GPR137C: variants seen among roughly 807,000 people sequenced by gnomAD.
The protein encoded by GPR137C is integral membrane protein GPR137C.
GPR137C carries 27 observed loss-of-function variants against 43.4 expected under a neutral mutation model. The ratio of observed to expected loss-of-function variants is 0.62; its 90% CI spans 0.46 to 0.86. The LOEUF is 0.86. Among genes scored for constraint, GPR137C ranks in the 40% least tolerant of loss-of-function variants. The pLI, the probability that GPR137C is intolerant of heterozygous loss-of-function variation, is 0.00. For synonymous variants in GPR137C, 285 were observed against 226.9 expected, an observed-to-expected ratio of 1.26 and a Z score of -2.30; for missense variants, 522 against 534.6, an observed-to-expected ratio of 0.98 and a Z score of 0.23.
At chr14:52,634,803 T>A (rs1176147563) in intron 6 of GPR137C, 135 bp from the exon 7 acceptor site, 1 of 710,656 alleles carries the variant, frequency 1.4e-6, no homozygotes, top group Admixed American at 3.4e-5. Flanking sequence ...ATTTTGTTAT[T>A]TGACAAAGAA....
At position 52,634,841 on chromosome 14, in the gene GPR137C, T is replaced by G. The variant is rs765753279; in HGVS notation, c.1113-97T>G. Reference sequence around the variant, plus strand: ...TATTTCAATGTATTTGAGTGCTAACTTTATTACAAAATTCATTGAAAATGC... The same window carrying G: ...TATTTCAATGTATTTGAGTGCTAACGTTATTACAAAATTCATTGAAAATGC... On this transcript the variant is annotated intron_variant, in intron 6 of 6. Coordinates refer to ENST00000321662, the MANE Select transcript of GPR137C (RefSeq NM_001099652.2). 1.4e-4 allele frequency: 151 copies of G among 1,058,814 alleles called. 1 individual carries two copies. The highest frequency in any genetic ancestry group is 2.3e-4 in the Admixed American group (8 of 34,132). 65.6% of individuals were successfully genotyped at this position (1,058,814 alleles called of 1,614,324 possible). A position where few individuals can be genotyped will look rare whatever the true frequency, so the allele number is the denominator to read the frequency against.
intron 3 of GPR137C, among the ~76,000 whole-genome samples, chr14:52,618,225 T>G (rs1213600094): frequency 6.6e-6 from 1 of 152,224 alleles, no homozygotes; most frequent in African/African-American, 2.4e-5. Flanking sequence ...AGATTACATT[T>G]TATCTACTAC....
intron 1 of GPR137C, among the ~76,000 whole-genome samples, chr14:52,568,617 C>A (rs1339564737): frequency 6.6e-6 from 1 of 152,162 alleles, no homozygotes; most frequent in African/African-American, 2.4e-5. Flanking sequence ...GGGGAGGGGG[C>A]ATCCGCAATT....
intron 1 of GPR137C, among the ~76,000 whole-genome samples, chr14:52,558,505 T>G (rs1271979580): frequency 6.6e-6 from 1 of 152,204 alleles, no homozygotes; most frequent in Non-Finnish European, 1.5e-5. Context: ...GAGATCTAAC[T>G]TGAAAACATA....
intron 3 of GPR137C, among the ~76,000 whole-genome samples, chr14:52,627,207 A>G (rs1308044854): frequency 1.3e-5 from 2 of 151,708 alleles, no homozygotes; most frequent in Non-Finnish European, 2.9e-5. Flanking sequence ...AGCCTTGGCA[A>G]TGTAGTGAGA....
chr14:52,599,579 G>T (rs556978578), intron 2 of GPR137C, among the ~76,000 whole-genome samples: 1 of 151,850 alleles, frequency 6.6e-6, no homozygotes, highest in African/African-American at 2.4e-5. Flanking sequence ...GACTACAGGC[G>T]TGTGCCGCCA....
Position 52,633,838 on chromosome 14 carries a change from G to C in GPR137C, c.1004G>C (p.Gly335Ala), listed in dbSNP as rs781470722. The C allele has an allele frequency of 1.2e-6, 2 of 1,610,142 alleles. No individual in the cohort carries two copies. Among genetic ancestry groups the C allele is most frequent in the East Asian group, 2.2e-5 (1 of 44,850 alleles). ...ATACTTTGTTCACAGGCACCTGCTG[G>C]CATGATAAATAGTCACAGTTATAGT... ...QRLNQNLAPA[G>A]MINSHSYSSR... The change falls in exon 6 of 7, where the codon GGC becomes GCC. Residue 335 changes from glycine to alanine, a missense_variant. This residue lies in a region of GPR137C where 437 missense variants were observed against 425.7 expected (regional missense o/e 1.03). Coordinates refer to ENST00000321662, the MANE Select transcript of GPR137C (RefSeq NM_001099652.2).
In GPR137C at chr14:52,633,645, A is replaced by G; in HGVS notation, c.983A>G (p.Asn328Ser). The change falls in exon 5 of 7, where the codon AAC becomes AGC. Residue 328 changes from asparagine (N) to serine (S), a missense_variant. This residue lies in a region of GPR137C where 437 missense variants were observed against 425.7 expected (regional missense o/e 1.03). Coordinates refer to ENST00000321662, the MANE Select transcript of GPR137C (RefSeq NM_001099652.2). ...VVLFFRAQRL[N>S]QNLAPAGMIN... Reference sequence around the variant, plus strand: ...CTGTTTTTCCGGGCACAGAGATTAAACCAGAATTTGGTATGATATAATATT... The same window carrying G: ...CTGTTTTTCCGGGCACAGAGATTAAGCCAGAATTTGGTATGATATAATATT... The G allele has an allele frequency of 2.5e-6, 4 of 1,613,096 alleles. No individual in the cohort carries two copies. Among genetic ancestry groups the G allele is most frequent in the Admixed American group, 1.7e-5 (1 of 59,926 alleles).
intron 3 of GPR137C, among the ~76,000 whole-genome samples, chr14:52,614,185 A>C (rs1465868898): frequency 6.6e-6 from 1 of 150,514 alleles, no homozygotes; most frequent in Non-Finnish European, 1.5e-5. Flanking sequence ...CAGTGGCATG[A>C]TCTCAGCTCC....
At chr14:52,604,140 C>T (rs866144449) in intron 3 of GPR137C, among the ~76,000 whole-genome samples, 3 of 151,998 alleles carry the variant, frequency 2.0e-5, no homozygotes, top group African/African-American at 7.2e-5. Flanking sequence ...GTTTGAGTTC[C>T]TTATATATTC....
intron 3 of GPR137C, among the ~76,000 whole-genome samples, chr14:52,630,005 ACT>A (rs958523354): frequency 6.6e-6 from 1 of 151,790 alleles, no homozygotes; most frequent in African/African-American, 2.4e-5. Context: ...GCTTGTTCTG[ACT>A]CTATTTTAGG....
chr14:52,565,932 T>C (rs574818827), intron 1 of GPR137C, among the ~76,000 whole-genome samples: 1 of 152,304 alleles, frequency 6.6e-6, no homozygotes, highest in East Asian at 1.9e-4. Context: ...TTGTATAATT[T>C]GTAAAGTGGT....
At chr14:52,563,215 G>C (rs575256578) in intron 1 of GPR137C, among the ~76,000 whole-genome samples, 8 of 152,152 alleles carry the variant, frequency 5.3e-5, no homozygotes, top group Admixed American at 2.0e-4. Context: ...TTCTTTGTAA[G>C]CTCATGTGCC....
intron 1 of GPR137C, among the ~76,000 whole-genome samples, chr14:52,593,417 C>CTTTG (rs2038809519): frequency 6.6e-6 from 1 of 152,188 alleles, no homozygotes; most frequent in African/African-American, 2.4e-5. Context: ...AGCAGCTCCT[C>CTTTG]TTTGTACCTC....
At chr14:52,554,104 C>T (rs753761800) in intron 1 of GPR137C, among the ~76,000 whole-genome samples, 1 of 152,208 alleles carries the variant, frequency 6.6e-6, no homozygotes, top group Non-Finnish European at 1.5e-5. Context: ...CCTCCTGCAT[C>T]TCCTTTCCTG....
chr14:52,591,623 CTT>C (rs1280043625), intron 1 of GPR137C, among the ~76,000 whole-genome samples: 1 of 152,140 alleles, frequency 6.6e-6, no homozygotes, highest in Non-Finnish European at 1.5e-5. Flanking sequence ...GCATAAATGT[CTT>C]TTCAGAAGTG....
chr14:52,634,204 T>G (rs2139587502), intron 6 of GPR137C, among the ~76,000 whole-genome samples: 1 of 152,252 alleles, frequency 6.6e-6, no homozygotes, highest in East Asian at 1.9e-4. Context: ...ACTTGTTGGT[T>G]CAGAGCTGTT....
At chr14:52,587,048 C>T (rs1442447764) in intron 1 of GPR137C, among the ~76,000 whole-genome samples, 2 of 152,146 alleles carry the variant, frequency 1.3e-5, no homozygotes, top group Non-Finnish European at 2.9e-5. Context: ...GATTTGATGA[C>T]TGCTTGCCTC....
At position 52,553,390 on chromosome 14, in the gene GPR137C, C is replaced by G; in HGVS notation, c.243C>G (p.Tyr81Ter). The change falls in exon 1 of 7, where the codon TAC becomes TAG. Residue 81 changes from tyrosine to a stop codon, truncating the protein, a stop_gained. Transcript: ENST00000321662. LOFTEE classifies it high-confidence loss of function. The stretch of plus-strand genomic sequence containing the variant: ...TGTACCGCGAGCGGCGGCTGAGTTA[C>G]CAGAGCCTCTGCCTCTTCCTCTGTC... ...LLLYRERRLS[Y>*]QSLCLFLCLL... The G allele has an allele frequency of 6.2e-7, 1 of 1,606,998 alleles. No individual in the cohort carries two copies. Among genetic ancestry groups the G allele is most frequent in the Non-Finnish European group, 8.5e-7 (1 of 1,179,620 alleles).
Sources: allele counts gnomAD v4.1 joint callset (sites outside exome capture counted in the v4.1 genomes callset), GRCh38; gene constraint gnomAD v4.1.1; regional missense constraint gnomAD v4.1.1; transcripts MANE v1.5; gene names NCBI Gene and HGNC (gene_info 2026-07-23, HGNC 2026-07-21).